Variants in C6 observed in about 807,000 individuals in gnomAD.
C6 encodes the protein complement C6.
Under a neutral mutation model 112.9 loss-of-function variants are expected in C6, and 101 were observed. That is an observed-to-expected ratio of 0.89 (90% CI 0.76 to 1.06). The LOEUF (loss-of-function observed/expected upper bound fraction) is 1.06. Ranked by LOEUF, C6 falls within the 50% of genes least tolerant of loss-of-function variation. The probability of loss-of-function intolerance (pLI) is 0.00; values close to 1 mark genes in which losing one functional copy is unlikely to be tolerated. For synonymous variants in C6, 431 were observed against 384.1 expected, an observed-to-expected ratio of 1.12 and a Z score of -1.43; for missense variants, 1,202 against 1,104.6, an observed-to-expected ratio of 1.09 and a Z score of -1.25.
At chr5:41,177,163 C>A (rs1748926662) in intron 7 of C6, among the ~76,000 whole-genome samples, 1 of 152,166 alleles carries the variant, frequency 6.6e-6, no homozygotes, top group Non-Finnish European at 1.5e-5. Context: ...CTTTGTCATT[C>A]TGGAAAAAGC....
At position 41,191,067 on chromosome 5, in the gene C6, C is replaced by CT. The variant is rs142519688; in HGVS notation, c.587+4724dup. Among the ~76,000 whole-genome samples, 145 of 84,720 alleles carry CT rather than the reference C, an allele frequency of 1.7e-3. 7 individuals are homozygous for CT. The highest frequency in any genetic ancestry group is 3.5e-3 in the East Asian group (10 of 2,888). The allele number at this position is 84,720 out of a possible 152,430, so 55.6% of individuals were successfully genotyped here. The stretch of plus-strand genomic sequence containing the variant: ...AAATGTAGTAGTGTGATGCCTTTGG[C>CT]TTTTTTTTTTTTTTTTTTTTGCAGA... On this transcript the variant is annotated intron_variant, in intron 5 of 17. Transcript: ENST00000337836.
intron 8 of C6, among the ~76,000 whole-genome samples, chr5:41,175,008 T>C (rs1748718957): frequency 6.6e-6 from 1 of 152,210 alleles, no homozygotes; most frequent in East Asian, 1.9e-4. Context: ...TATAAACTTA[T>C]TGAATACAAG....
Position 41,231,224 on chromosome 5 carries a change from A to G in C6, c.-20-27974T>C, listed in dbSNP as rs1322123439. Among the ~76,000 whole-genome samples the G allele has an allele frequency of 2.6e-5, 4 of 152,036 alleles. No homozygotes were observed. The East Asian group carries it at 7.7e-4, about 29-fold the overall frequency. On this transcript the variant is annotated intron_variant, in intron 1 of 17. Transcript: ENST00000263413. ...TTTAATTATTGAAAGATAAGGATTT[A>G]CTTGTTTCATTTTTAAAATTGCTTC... is the stretch of plus-strand genomic sequence containing the variant.
intron 17 of C6, among the ~76,000 whole-genome samples, chr5:41,148,991 C>A (rs1266714607): frequency 6.6e-6 from 1 of 152,072 alleles, no homozygotes; most frequent in African/African-American, 2.4e-5. Flanking sequence ...CCCACTGGGG[C>A]CTAAGGGTGG....
At chr5:41,195,513 T>A (rs1302648492) in intron 5 of C6, among the ~76,000 whole-genome samples, 1 of 152,150 alleles carries the variant, frequency 6.6e-6, no homozygotes, top group Admixed American at 6.5e-5. Context: ...ATTCCAAAAC[T>A]TTCTGAGAGA....
chr5:41,259,625 C>T (rs921612431), intron 1 of C6, among the ~76,000 whole-genome samples: 1 of 151,972 alleles, frequency 6.6e-6, no homozygotes, highest in African/African-American at 2.4e-5. Context: ...ATCAATAAAC[C>T]CCTTGGCATA....
intron 9 of C6, 54 bp downstream of exon 9, chr5:41,172,171 T>G (rs1464510181): frequency 1.3e-6 from 2 of 1,594,160 alleles, no homozygotes; most frequent in African/African-American, 2.7e-5. Context: ...GGTCTGTAAA[T>G]GACAGCCAGG....
chr5:41,172,952 C>G (rs774557139), intron 8 of C6, among the ~76,000 whole-genome samples: 11 of 152,158 alleles, frequency 7.2e-5, no homozygotes, highest in Middle Eastern at 3.2e-3. Flanking sequence ...GCCCCTACCT[C>G]CAAATCCTTT....
intron 8 of C6, among the ~76,000 whole-genome samples, chr5:41,173,829 T>C (rs1748627572): frequency 6.6e-6 from 1 of 152,160 alleles, no homozygotes; most frequent in South Asian, 2.1e-4. Flanking sequence ...AAAAAATTCT[T>C]GGTTTGAAGC....
chr5:41,259,122 A>C (rs1741889200), intron 1 of C6, among the ~76,000 whole-genome samples: 1 of 152,244 alleles, frequency 6.6e-6, no homozygotes, highest in South Asian at 2.1e-4. Context: ...AAAAGCTTTA[A>C]AAAAGAGAAT....
chr5:41,255,444 A>G (rs1741634588), intron 1 of C6, among the ~76,000 whole-genome samples: 1 of 151,552 alleles, frequency 6.6e-6, no homozygotes, highest in African/African-American at 2.4e-5. Flanking sequence ...GGGAAATTGG[A>G]CTCTTTGGGC....
intron 9 of C6, among the ~76,000 whole-genome samples, chr5:41,168,694 G>T (rs1209901330): frequency 6.6e-6 from 1 of 152,100 alleles, no homozygotes; most frequent in Admixed American, 6.6e-5. Context: ...AAAGTCCTAG[G>T]ACCCTCAGTT....
At chr5:41,204,575 A>G (rs1164251176) in intron 1 of C6, among the ~76,000 whole-genome samples, 1 of 152,100 alleles carries the variant, frequency 6.6e-6, no homozygotes, top group Non-Finnish European at 1.5e-5. Flanking sequence ...TCTTGGTTTA[A>G]GTCAAGAGCT....
chr5:41,257,238 C>T (rs533689544), intron 1 of C6, among the ~76,000 whole-genome samples: 4 of 152,132 alleles, frequency 2.6e-5, no homozygotes, highest in South Asian at 2.1e-4. Context: ...GTGTAAGCAA[C>T]GTTTAGCTCC....
At chr5:41,170,883 G>C (rs988872198) in intron 9 of C6, among the ~76,000 whole-genome samples, 2 of 152,102 alleles carry the variant, frequency 1.3e-5, no homozygotes, top group African/African-American at 4.8e-5. Context: ...GCATAGGAGA[G>C]AGCATGACTT....
intron 4 of C6, among the ~76,000 whole-genome samples, chr5:41,198,736 T>G (rs1173438161): frequency 1.3e-5 from 2 of 152,152 alleles, no homozygotes; most frequent in African/African-American, 2.4e-5. Flanking sequence ...TGCAGATCCT[T>G]TGTAATTTTT....
chr5:41,218,742 CTATT>C (rs1349695168), intron 1 of C6, among the ~76,000 whole-genome samples: 1 of 152,032 alleles, frequency 6.6e-6, no homozygotes, highest in Non-Finnish European at 1.5e-5. Context: ...CTTAGAAATA[CTATT>C]TAAACACAGT....
intron 2 of C6, 74 bp from the exon 3 acceptor site, chr5:41,201,788 T>A (rs1331836675): frequency 1.5e-6 from 2 of 1,323,822 alleles, no homozygotes; most frequent in African/African-American, 2.9e-5. Flanking sequence ...CAAAGTATCA[T>A]TGAGCATTAA....
intron 14 of C6, among the ~76,000 whole-genome samples, chr5:41,154,286 AAC>A (rs774606225): frequency 3.9e-5 from 6 of 152,192 alleles, no homozygotes; most frequent in Non-Finnish European, 7.3e-5. Flanking sequence ...CCTTTCAAGA[AAC>A]ACTTTCTTTT....
Sources: allele counts gnomAD v4.1 joint callset (sites outside exome capture counted in the v4.1 genomes callset), GRCh38; gene constraint gnomAD v4.1.1; transcripts MANE v1.5; gene names NCBI Gene and HGNC (gene_info 2026-07-23, HGNC 2026-07-21).